Variants in COL5A1 observed in about 807,000 individuals in gnomAD.
COL5A1 encodes the protein collagen type V alpha 1 chain.
Under a neutral mutation model 263.7 loss-of-function variants are expected in COL5A1, and 16 were observed. The observed-to-expected ratio is 0.06, with a 90% CI of 0.04 to 0.09. The LOEUF (loss-of-function observed/expected upper bound fraction) is 0.09. COL5A1 is among the 10% of genes least tolerant of loss of function. The pLI is 1.00. For missense variants in COL5A1, 2,036 were observed against 2,540.5 expected (o/e 0.80, Z 4.27); for synonymous variants, 1,012 against 1,004.5 (o/e 1.01, Z -0.14).
Position 134,701,088 on chromosome 9 carries a change from TGTG to T in COL5A1, c.492-82_492-80del. The T allele has an allele frequency of 3.5e-6, 5 of 1,437,126 alleles. No individual in the cohort carries two copies. In the South Asian group the frequency reaches 5.9e-5, roughly 17 times the overall value. 89.0% of individuals were successfully genotyped at this position (1,437,126 alleles called of 1,614,324 possible). On this transcript the variant is annotated intron_variant, in intron 3 of 65. Transcript: ENST00000371817. ...TCGTGCAGGAAGTGGGCCTTCTTCC[TGTG>T]TCTCGAGGAATTTGCAGCAAAATTG...
intron 1 of COL5A1, among the ~76,000 whole-genome samples, chr9:134,659,341 A>AT (rs1431691868): frequency 1.3e-5 from 2 of 152,198 alleles, no homozygotes; most frequent in African/African-American, 4.8e-5. Context: ...GTGAGCCGAG[A>AT]TGGCGCCATT....
rs1839013994 is a variant in COL5A1, at chr9:134,821,831, T to TG, written c.4555-261dup. On this transcript the variant is annotated intron_variant, in intron 58 of 65. Coordinates refer to ENST00000371817, the MANE Select transcript of COL5A1 (RefSeq NM_000093.5). This position sits in a 1 kb window ranked among gnomAD's most constrained non-coding sequence, Gnocchi z 4.2. Reference sequence around the variant, plus strand: ...GCTCAGCCTGAAGTCCTCGGTGGCCTGGGGGATGAGAGTGAGTTCCTGGCA... The same window carrying TG: ...GCTCAGCCTGAAGTCCTCGGTGGCCTGGGGGGATGAGAGTGAGTTCCTGGCA... Among the ~76,000 whole-genome samples, 1 of 152,106 alleles carries TG rather than the reference T, an allele frequency of 6.6e-6. No homozygotes were observed. The highest frequency in any genetic ancestry group is 1.5e-5 in the Non-Finnish European group (1 of 68,020).
chr9:134,741,657 G>C lies in COL5A1; in HGVS notation c.1494+2849G>C, dbSNP rs968981949. Among the ~76,000 whole-genome samples the C allele has an allele frequency of 6.6e-5, 10 of 152,152 alleles. No individual in the cohort carries two copies. Among genetic ancestry groups the C allele is most frequent in the African/African-American group, 2.4e-4 (10 of 41,432 alleles). On this transcript the variant is annotated intron_variant, in intron 11 of 65. Coordinates refer to ENST00000371817, the MANE Select transcript of COL5A1 (RefSeq NM_000093.5). The surrounding 1 kb of genome is among the most constrained non-coding windows in gnomAD (Gnocchi z 4.5). ...TAATGCCCTGCTTTTAGGCAGAAGA[G>C]GGGAGGTAAGAGAACTCTTCTTGCG...
intron 33 of COL5A1, 47 bp downstream of exon 33, chr9:134,795,173 G>A (rs1398284615): frequency 6.2e-7 from 1 of 1,613,764 alleles, no homozygotes; most frequent in Admixed American, 1.7e-5. Context: ...ACGGGAGCAT[G>A]GTTTAGGGAG....
In COL5A1 at chr9:134,822,120, G is replaced by T; in HGVS notation, c.4578G>T (p.Pro1526=). Residue 1526 remains proline (P), a synonymous_variant, in exon 59 of 66, where the codon CCG becomes CCT. Transcript: ENST00000371817. The part of the protein sequence containing the change: ...GEQGITGPSG[P]IGPPGPPGLP... ...AGGGTATCACTGGTCCTTCTGGCCC[G>T]ATTGGGCCTCCTGGGCCCCCTGGCC... 6.4e-7 allele frequency: 1 copy of T among 1,560,636 alleles called. No individual in the cohort carries two copies. Among genetic ancestry groups the T allele is most frequent in the Non-Finnish European group, 8.7e-7 (1 of 1,146,798 alleles).
Position 134,758,239 on chromosome 9 carries a change from G to A in COL5A1, c.1882-4G>A, listed in dbSNP as rs1253885983. 6.2e-7 allele frequency: 1 copy of A among 1,613,906 alleles called. No homozygotes were observed. The highest frequency in any genetic ancestry group is 8.5e-7 in the Non-Finnish European group (1 of 1,180,018). On this transcript the variant is annotated splice_region_variant and splice_polypyrimidine_tract_variant and intron_variant, in intron 17 of 65. Transcript: ENST00000371817. This position sits in a 1 kb window ranked among gnomAD's most constrained non-coding sequence, Gnocchi z 4.1. ...CTGAGGCAGCCTTTCTGTCCTTTTT[G>A]CAGGGTGACCGGGGTTTCGACGGCC...
rs1330440189 is a variant in COL5A1 at position 134,814,031 on chromosome 9, C to T, written c.3901C>T (p.Pro1301Ser). 12 of 1,550,622 alleles carry T rather than the reference C, an allele frequency of 7.7e-6. No homozygotes were observed. Among genetic ancestry groups the T allele is most frequent in the Admixed American group, 3.9e-5 (2 of 50,996 alleles). Reference sequence around the variant, plus strand: ...GCCTGGCCTTCCGGGAGAAGGCGGCCCCCCGGTGAGTGAGCGGGCGCTGCG... The same window carrying T: ...GCCTGGCCTTCCGGGAGAAGGCGGCTCCCCGGTGAGTGAGCGGGCGCTGCG... ...GEPGLPGEGGPPGPKGERGEK... is the reference protein window; with the variant it reads ...GEPGLPGEGGSPGPKGERGEK... Residue 1301 changes from proline to serine, a missense_variant, in exon 49 of 66, where the codon CCC becomes TCC. By Grantham distance (74) the Pro-to-Ser change is moderately conservative. Around this residue, in one of 3 missense-constraint regions of COL5A1, gnomAD observed 1,078 missense variants for 1,521.4 expected, o/e 0.71. Coordinates refer to ENST00000371817, the MANE Select transcript of COL5A1 (RefSeq NM_000093.5).
At chr9:134,679,358 A>C (rs1341001870) in intron 1 of COL5A1, among the ~76,000 whole-genome samples, 1 of 37,814 alleles carries the variant, frequency 2.6e-5, no homozygotes, top group Non-Finnish European at 4.6e-5. Context: ...CTGCAGAGCT[A>C]GTTGGGGGCA....
At chr9:134,759,185 ATGAG>A (rs1393242346) in intron 18 of COL5A1, among the ~76,000 whole-genome samples, 3 of 151,788 alleles carry the variant, frequency 2.0e-5, no homozygotes, top group Non-Finnish European at 4.4e-5. Flanking sequence ...ATACAGGCAC[ATGAG>A]TATGTGAGTG....
chr9:134,835,921 C>T (rs7849251), intron 65 of COL5A1, among the ~76,000 whole-genome samples: 12,079 of 152,240 alleles, frequency 0.079, 1,329 homozygotes, highest in African/African-American at 0.25. Flanking sequence ...GTTTAGGGTG[C>T]AGCTGTGCCC....
At position 134,642,774 on chromosome 9, in the gene COL5A1, C is replaced by G. The variant is rs1320839764; in HGVS notation, c.109+478C>G. On this transcript the variant is annotated intron_variant, in intron 1 of 65. Coordinates refer to ENST00000371817, the MANE Select transcript of COL5A1 (RefSeq NM_000093.5). The surrounding 1 kb of genome is among the most constrained non-coding windows in gnomAD (Gnocchi z 4.5). ...GAATCCCAGAAGCCTGGGCCCCCAG[C>G]ACTGAACTTCCCCCAGGCACTGTCA... 6.6e-6 allele frequency among the ~76,000 whole-genome samples: 1 copy of G among 152,222 alleles called. No homozygotes were observed. Among genetic ancestry groups the G allele is most frequent in the Admixed American group, 6.5e-5 (1 of 15,292 alleles).
chr9:134,654,693 G>C (rs1268604041), intron 1 of COL5A1, among the ~76,000 whole-genome samples: 1 of 132,688 alleles, frequency 7.5e-6, no homozygotes, highest in African/African-American at 2.9e-5. Flanking sequence ...GAGCTGGTGT[G>C]TGTAGGGCTG....
chr9:134,796,705 G>T (rs1448506650), intron 35 of COL5A1, 143 bp from the exon 36 acceptor site: 5 of 845,256 alleles, frequency 5.9e-6, no homozygotes, highest in African/African-American at 5.0e-5. Context: ...GGGTGAGGGA[G>T]GGGCTGGAAT....
At chr9:134,649,023 A>T (rs1213987754) in intron 1 of COL5A1, among the ~76,000 whole-genome samples, 2 of 142,992 alleles carry the variant, frequency 1.4e-5, no homozygotes, top group Non-Finnish European at 3.1e-5. Context: ...CTGTGATGTG[A>T]TGGCGGTGAG....
chr9:134,779,681 T>C (rs191177135), intron 27 of COL5A1, among the ~76,000 whole-genome samples: 1 of 152,192 alleles, frequency 6.6e-6, no homozygotes, highest in Admixed American at 6.5e-5. Context: ...TCAGAGGCCA[T>C]GGAGGGGGAG....
intron 11 of COL5A1, among the ~76,000 whole-genome samples, chr9:134,746,890 A>G (rs554748675): frequency 6.6e-6 from 1 of 152,316 alleles, no homozygotes; most frequent in East Asian, 1.9e-4. Flanking sequence ...GGTGTCTGAC[A>G]CCTGCCTTGT....
intron 1 of COL5A1, among the ~76,000 whole-genome samples, chr9:134,648,711 T>C (rs1831558624): frequency 6.6e-6 from 1 of 152,210 alleles, no homozygotes; most frequent in South Asian, 2.1e-4. Flanking sequence ...CGCTGGCCTG[T>C]GCGTGCTCCC....
Position 134,681,440 on chromosome 9 carries a change from C to T in COL5A1, c.110-9472C>T, listed in dbSNP as rs986645795. On this transcript the variant is annotated intron_variant, in intron 1 of 65. Transcript: ENST00000371817. The surrounding 1 kb of genome is among the most constrained non-coding windows in gnomAD (Gnocchi z 4.3). ...GTTCACAGCCCGTGGAGGAGACACA[C>T]GCTGCCCATGGAACACACATAGCAG... 4.6e-5 allele frequency among the ~76,000 whole-genome samples: 7 copies of T among 152,246 alleles called. No individual in the cohort carries two copies. Among genetic ancestry groups the T allele is most frequent in the African/African-American group, 9.6e-5 (4 of 41,470 alleles).
intron 32 of COL5A1, among the ~76,000 whole-genome samples, chr9:134,790,333 T>TCCATCCAC (rs1837624452): frequency 6.6e-6 from 1 of 150,550 alleles, no homozygotes; most frequent in South Asian, 2.1e-4. Context: ...CATCCATCCA[T>TCCATCCAC]CCATCCACCC....
Sources: gnomAD v4.1 joint callset for allele counts (sites outside exome capture counted in the v4.1 genomes callset) on GRCh38, gnomAD v4.1.1 for gene constraint, gnomAD v4.1.1 regional missense constraint, Gnocchi (gnomAD v3.1) non-coding constraint, MANE v1.5 for transcripts, NCBI Gene and HGNC (gene_info 2026-07-23, HGNC 2026-07-21) for gene names.